Variants in CELF2 observed in about 807,000 individuals in gnomAD.
The protein encoded by CELF2 is CUGBP Elav-like family member 2.
In CELF2, 8 loss-of-function variants were observed where a neutral mutation model predicts 62.6. The observed-to-expected ratio is 0.13, with a 90% CI of 0.07 to 0.23. The LOEUF is 0.23. Among genes scored for constraint, CELF2 ranks in the 10% least tolerant of loss-of-function variants. The pLI is 1.00. For synonymous variants in CELF2, 258 were observed against 250.0 expected (o/e 1.03, Z -0.30); for missense variants, 333 against 671.0 (o/e 0.50, Z 5.56).
At chr10:10,535,168 C>T in the CELF2 span, among the ~76,000 whole-genome samples, 1 of 152,174 alleles carries the variant, frequency 6.6e-6, no homozygotes, top group African/African-American at 2.4e-5. Context: ...AAATCAACAG[C>T]ACTTGATGAG....
the CELF2 span, among the ~76,000 whole-genome samples, chr10:10,682,828 C>T: frequency 2.6e-5 from 4 of 152,132 alleles, no homozygotes; most frequent in Admixed American, 6.5e-5. Context: ...TCCCCCAAAA[C>T]GTCGGCTTCT....
the CELF2 span, among the ~76,000 whole-genome samples, chr10:10,651,341 G>C: frequency 4.7e-5 from 7 of 148,886 alleles, no homozygotes; most frequent in African/African-American, 1.5e-4. Context: ...CAAAGCAGCG[G>C]GGAAGCTCGA....
In CELF2 at chr10:11,007,017, A is replaced by T. The variant is rs186793594; in HGVS notation, c.53+1577A>T. 2.6e-5 allele frequency among the ~76,000 whole-genome samples: 4 copies of T among 152,246 alleles called. No individual in the cohort carries two copies. The East Asian group carries it at 7.7e-4, about 29-fold the overall frequency. ...AAAAGAATTGGCCCTAGACTAGTGA[A>T]TTATAATTGATTTACATGAAAATCA... On this transcript the variant is annotated intron_variant, in intron 1 of 12. Transcript: ENST00000416382.
At chr10:10,473,908 A>G in the CELF2 span, among the ~76,000 whole-genome samples, 1 of 152,072 alleles carries the variant, frequency 6.6e-6, no homozygotes, top group Non-Finnish European at 1.5e-5. Flanking sequence ...GATTCTTAAC[A>G]GTGAAAAAGT....
At chr10:10,504,719 G>A in the CELF2 span, among the ~76,000 whole-genome samples, 4 of 150,302 alleles carry the variant, frequency 2.7e-5, no homozygotes, top group African/African-American at 9.8e-5. Context: ...CTGAGTCCAT[G>A]TTTTTTTTTC....
At chr10:10,847,805 A>C (rs1336070463) in intron 1 of CELF2, among the ~76,000 whole-genome samples, 1 of 152,142 alleles carries the variant, frequency 6.6e-6, no homozygotes, top group East Asian at 1.9e-4. Context: ...TTTTAGTTTT[A>C]AGCTCCCTGG....
chr10:10,806,203 C>CTTTTTTTTTTTTTTT (rs112165245), intron 1 of CELF2, among the ~76,000 whole-genome samples: 1 of 141,442 alleles, frequency 7.1e-6, no homozygotes, highest in African/African-American at 2.6e-5. Context: ...TTCCAGTGTT[C>CTTTTTTTTTTTTTTT]TTTTTTTTTT....
the CELF2 span, among the ~76,000 whole-genome samples, chr10:10,567,248 G>C: frequency 6.6e-6 from 1 of 152,206 alleles, no homozygotes; most frequent in Non-Finnish European, 1.5e-5. Context: ...TTTAAAACTA[G>C]AGAATCGTGT....
rs977876352 is a variant in CELF2 at position 10,997,453 on chromosome 10, G to C, written c.89+77454G>C. On this transcript the variant is annotated intron_variant, in intron 2 of 13. Coordinates refer to the CELF2 transcript ENST00000636488. The surrounding 1 kb of genome is among the most constrained non-coding windows in gnomAD (Gnocchi z 5.3). ...TCACCTTCCAGGAAGGAAGGCTGATGCACTCCACTGTGGTCTTTATTAAGC... is the reference window on the plus strand; with the variant it reads ...TCACCTTCCAGGAAGGAAGGCTGATCCACTCCACTGTGGTCTTTATTAAGC... Among the ~76,000 whole-genome samples, 1 of 152,170 alleles carries C rather than the reference G, an allele frequency of 6.6e-6. No homozygotes were observed. Among genetic ancestry groups the C allele is most frequent in the Non-Finnish European group, 1.5e-5 (1 of 68,032 alleles).
chr10:11,298,320 C>A (rs1418302880), intron 9 of CELF2, among the ~76,000 whole-genome samples: 1 of 152,230 alleles, frequency 6.6e-6, no homozygotes, highest in Non-Finnish European at 1.5e-5. Context: ...TACTAGCACA[C>A]AAGCCAACAG....
the CELF2 span, among the ~76,000 whole-genome samples, chr10:10,469,462 G>A: frequency 2.6e-4 from 40 of 151,996 alleles, no homozygotes; most frequent in African/African-American, 8.9e-4. Flanking sequence ...CCACATAAAG[G>A]AGGTGAAGTC....
chr10:11,049,121 T>C (rs569645697), intron 1 of CELF2, among the ~76,000 whole-genome samples: 1,205 of 84,240 alleles, frequency 0.014, 7 homozygotes, highest in Admixed American at 0.017. Flanking sequence ...AACTGTTCTG[T>C]TAAAAAAAAA....
chr10:11,081,437 T>C (rs1161052688), intron 1 of CELF2, among the ~76,000 whole-genome samples: 1 of 152,184 alleles, frequency 6.6e-6, no homozygotes, highest in Non-Finnish European at 1.5e-5. Flanking sequence ...TTTGAAAAAC[T>C]GACTAAACAA....
chr10:11,087,623 T>C (rs1046370651), intron 1 of CELF2, among the ~76,000 whole-genome samples: 7 of 152,206 alleles, frequency 4.6e-5, no homozygotes, highest in Admixed American at 4.6e-4. Flanking sequence ...CACATCACAT[T>C]TATGACAGGA....
chr10:10,783,445 TTCTC>T, the CELF2 span, among the ~76,000 whole-genome samples: 1 of 152,060 alleles, frequency 6.6e-6, no homozygotes, highest in East Asian at 1.9e-4. Context: ...GCAGAACAGA[TTCTC>T]TCTCACAGCC....
chr10:10,528,685 T>A, the CELF2 span, among the ~76,000 whole-genome samples: 1,667 of 152,310 alleles, frequency 0.011, 38 homozygotes, highest in African/African-American at 0.039. Context: ...AGAAGTGGTG[T>A]TGTGTCATTG....
At chr10:10,588,166 A>C in the CELF2 span, among the ~76,000 whole-genome samples, 1 of 152,120 alleles carries the variant, frequency 6.6e-6, no homozygotes, top group African/African-American at 2.4e-5. Context: ...AGTCTCTCAG[A>C]CGCTGATGGC....
the CELF2 span, among the ~76,000 whole-genome samples, chr10:10,689,999 G>A: frequency 6.6e-6 from 1 of 152,170 alleles, no homozygotes; most frequent in African/African-American, 2.4e-5. Flanking sequence ...ATACAAGATT[G>A]AGAATGAGGT....
the CELF2 span, among the ~76,000 whole-genome samples, chr10:10,464,223 A>C: frequency 3.3e-5 from 5 of 152,196 alleles, no homozygotes; most frequent in African/African-American, 1.2e-4. Context: ...CTTTACAACA[A>C]GAGAAAATGC....
Sources: gnomAD v4.1 joint callset for allele counts (sites outside exome capture counted in the v4.1 genomes callset) on GRCh38, gnomAD v4.1.1 for gene constraint, Gnocchi (gnomAD v3.1) non-coding constraint, MANE v1.5 for transcripts, NCBI Gene and HGNC (gene_info 2026-07-23, HGNC 2026-07-21) for gene names.